REC114: variants seen among roughly 807,000 people sequenced by gnomAD.
REC114 encodes the protein REC114 meiotic recombination protein, also known as meiotic recombination protein REC114.
REC114 carries 27 observed loss-of-function variants against 31.3 expected under a neutral mutation model. The observed-to-expected ratio is 0.86, with a 90% CI of 0.64 to 1.19. The LOEUF (loss-of-function observed/expected upper bound fraction) is 1.19, where lower values mean the gene tolerates loss of function less well. Ranked by LOEUF, REC114 falls within the 50% of genes most tolerant of loss-of-function variation. REC114 has a pLI of 0.00. For synonymous variants in REC114, 134 were observed against 127.7 expected, an observed-to-expected ratio of 1.05 and a Z score of -0.33; for missense variants, 344 against 326.9, an observed-to-expected ratio of 1.05 and a Z score of -0.40.
intron 2 of REC114, among the ~76,000 whole-genome samples, chr15:73,488,765 C>T (rs548526671): frequency 3.3e-5 from 5 of 152,266 alleles, no homozygotes; most frequent in Non-Finnish European, 5.9e-5. Context: ...TCTTTATAGC[C>T]GTCCTCTTCT....
At chr15:73,517,230 T>C (rs1374936129) in intron 2 of REC114, among the ~76,000 whole-genome samples, 2 of 152,202 alleles carry the variant, frequency 1.3e-5, no homozygotes, top group Middle Eastern at 3.2e-3. Flanking sequence ...AGTCTTTAGC[T>C]TGAGAGAAAT....
rs1894561254 is a variant in REC114, at chr15:73,559,937, C to T, written c.*21C>T. The T allele has an allele frequency of 1.3e-6, 2 of 1,554,704 alleles. No homozygotes were observed. The highest frequency in any genetic ancestry group is 4.7e-5 in the East Asian group (2 of 42,584). ...ATTAATGCTCTATATACATATATAA[C>T]TAAGGAACTTCAAAGTATTGAAAAA... is the stretch of plus-strand genomic sequence containing the variant. On this transcript the variant is annotated 3_prime_UTR_variant, in exon 6 of 6. Coordinates refer to ENST00000331090, the MANE Select transcript of REC114 (RefSeq NM_001042367.2).
Position 73,464,805 on chromosome 15 carries a change from G to A in REC114, c.160-9027G>A, listed in dbSNP as rs115301624. ...GCTTAGTACCTCCTTTCTCCTGTAG[G>A]GGGAAAACGTCCTACTAGCTCTTTT... On this transcript the variant is annotated intron_variant, in intron 1 of 5. Coordinates refer to ENST00000331090, the MANE Select transcript of REC114 (RefSeq NM_001042367.2). Among the ~76,000 whole-genome samples the A allele has an allele frequency of 2.6e-3, 397 of 152,248 alleles. 2 individuals are homozygous for A. The highest frequency in any genetic ancestry group is 9.0e-3 in the African/African-American group (373 of 41,546).
intron 2 of REC114, among the ~76,000 whole-genome samples, chr15:73,489,270 C>G (rs1476569546): frequency 7.1e-6 from 1 of 139,984 alleles, no homozygotes; most frequent in African/African-American, 2.7e-5. Context: ...GTGGTGTGAT[C>G]TCAGCTCACT....
intron 1 of REC114, among the ~76,000 whole-genome samples, chr15:73,448,116 C>T (rs546731219): frequency 1.3e-4 from 19 of 151,300 alleles, no homozygotes; most frequent in African/African-American, 1.7e-4. Context: ...TTTTTTCACA[C>T]GCCAGTGGCT....
At chr15:73,473,159 G>A (rs1221200832) in intron 1 of REC114, among the ~76,000 whole-genome samples, 2 of 152,136 alleles carry the variant, frequency 1.3e-5, no homozygotes, top group Non-Finnish European at 2.9e-5. Context: ...GGAGGCTGAG[G>A]TGGGCAGATA....
intron 1 of REC114, among the ~76,000 whole-genome samples, chr15:73,443,577 A>C (rs1226057726): frequency 2.0e-5 from 3 of 152,238 alleles, no homozygotes; most frequent in African/African-American, 7.2e-5. Context: ...GGGAGTAGTA[A>C]ACATTCATAT....
chr15:73,455,748 C>T (rs534549038), intron 1 of REC114, among the ~76,000 whole-genome samples: 11 of 152,098 alleles, frequency 7.2e-5, no homozygotes, highest in Non-Finnish European at 1.5e-4. Context: ...TTGTAAAACA[C>T]GCATGCACAC....
chr15:73,471,393 A>C (rs1473609477), intron 1 of REC114, among the ~76,000 whole-genome samples: 1 of 152,244 alleles, frequency 6.6e-6, no homozygotes, highest in Non-Finnish European at 1.5e-5. Flanking sequence ...TTGCATATAG[A>C]AACCTGAAAA....
intron 2 of REC114, 106 bp downstream of exon 2, chr15:73,474,027 A>G: frequency 1.4e-6 from 1 of 730,500 alleles, no homozygotes; most frequent in Non-Finnish European, 2.3e-6. Context: ...GTAATTCATC[A>G]AGGTCAACAC....
At chr15:73,506,519 C>A (rs1040431987) in intron 2 of REC114, among the ~76,000 whole-genome samples, 5 of 152,086 alleles carry the variant, frequency 3.3e-5, no homozygotes, top group Non-Finnish European at 7.4e-5. Context: ...AGTAGAAGTG[C>A]TATATATAAT....
chr15:73,447,978 C>T (rs917765825), intron 1 of REC114, among the ~76,000 whole-genome samples: 1 of 152,206 alleles, frequency 6.6e-6, no homozygotes, highest in Non-Finnish European at 1.5e-5. Context: ...TTCCCATGGT[C>T]TTTGCAATCA....
At chr15:73,554,146 G>GGCAT (rs1894429047) in intron 4 of REC114, among the ~76,000 whole-genome samples, 1 of 152,128 alleles carries the variant, frequency 6.6e-6, no homozygotes, top group Non-Finnish European at 1.5e-5. Flanking sequence ...GCCAAGAGAG[G>GGCAT]GCATGATAAG....
intron 1 of REC114, among the ~76,000 whole-genome samples, chr15:73,469,593 C>T (rs1205462071): frequency 1.3e-5 from 2 of 151,356 alleles, no homozygotes; most frequent in Non-Finnish European, 2.9e-5. Context: ...CCGTGCCTGG[C>T]TAATTTTTAC....
intron 2 of REC114, among the ~76,000 whole-genome samples, chr15:73,523,511 T>C (rs1299813717): frequency 6.6e-6 from 1 of 152,218 alleles, no homozygotes; most frequent in Non-Finnish European, 1.5e-5. Context: ...AGTTAGGTTT[T>C]CAGTTTTGTC....
intron 4 of REC114, among the ~76,000 whole-genome samples, chr15:73,553,440 C>T (rs1011276436): frequency 6.6e-6 from 1 of 152,106 alleles, no homozygotes; most frequent in African/African-American, 2.4e-5. Flanking sequence ...TGATCCTTTG[C>T]CCTTTAGTTT....
chr15:73,460,251 GAA>G (rs1414849582), intron 1 of REC114, among the ~76,000 whole-genome samples: 1 of 152,094 alleles, frequency 6.6e-6, no homozygotes, highest in African/African-American at 2.4e-5. Flanking sequence ...ACAAATAACT[GAA>G]GTTTTTTTCA....
At chr15:73,451,646 C>CCTGA (rs1892850474) in intron 1 of REC114, among the ~76,000 whole-genome samples, 1 of 152,152 alleles carries the variant, frequency 6.6e-6, no homozygotes, top group Admixed American at 6.5e-5. Context: ...CCAGCATCAT[C>CCTGA]CTGATATCAA....
rs906176867 is a variant in REC114, at chr15:73,513,866, T to C, written c.250-26619T>C. On this transcript the variant is annotated intron_variant, in intron 2 of 5. Coordinates refer to ENST00000331090, the MANE Select transcript of REC114 (RefSeq NM_001042367.2). The stretch of plus-strand genomic sequence containing the variant: ...TCTTCAAAGCTGTCAGACAGGGACA[T>C]TTAAGTCTGCAGAGGTTACTGCTGT... Among the ~76,000 whole-genome samples the C allele has an allele frequency of 1.0e-3, 152 of 151,898 alleles. 2 individuals are homozygous for C. The South Asian group carries it at 0.03, about 30-fold the overall frequency.
Sources: gnomAD v4.1 joint callset for allele counts (sites outside exome capture counted in the v4.1 genomes callset) on GRCh38, gnomAD v4.1.1 for gene constraint, MANE v1.5 for transcripts, NCBI Gene and HGNC (gene_info 2026-07-23, HGNC 2026-07-21) for gene names.